XPNPEP2: variants seen among roughly 807,000 people sequenced by gnomAD.
XPNPEP2 encodes the protein xaa-Pro aminopeptidase 2.
In XPNPEP2, 64 loss-of-function variants were observed where a neutral mutation model predicts 59.8. The ratio of observed to expected loss-of-function variants is 1.07; its 90% CI spans 0.87 to 1.32. The LOEUF (loss-of-function observed/expected upper bound fraction) is 1.32. XPNPEP2 is among the 40% of genes most tolerant of loss of function. The probability of loss-of-function intolerance (pLI) is 0.00; values close to 1 mark genes in which losing one functional copy is unlikely to be tolerated. For missense variants in XPNPEP2, 575 were observed against 546.8 expected (o/e 1.05, Z -0.51); for synonymous variants, 235 against 210.0 (o/e 1.12, Z -1.03).
chrX:129,747,968 A>C (rs757298574), intron 7 of XPNPEP2: 1 of 486,115 alleles, frequency 2.1e-6, no homozygotes, highest in South Asian at 2.9e-5. Flanking sequence ...GGCCATATTT[A>C]GAAAATGTTG....
intron 1 of XPNPEP2, among the ~76,000 whole-genome samples, chrX:129,740,499 C>T (rs755251272): frequency 1.8e-5 from 2 of 109,946 alleles, no homozygotes; most frequent in African/African-American, 6.6e-5. Flanking sequence ...TGGTGGCGCA[C>T]GCTTGTAATC....
Position 129,751,813 on chromosome X carries a change from G to C in XPNPEP2, c.808G>C (p.Asp270His), listed in dbSNP as rs147190409. 124 of 1,208,332 alleles carry C rather than the reference G, an allele frequency of 1.0e-4. 1 individual carries two copies. In the African/African-American group the frequency reaches 1.8e-3, roughly 18 times the overall value. ...PFFYSYTLLTDSSIRLFANKS... is the reference protein window; with the variant it reads ...PFFYSYTLLTHSSIRLFANKS... ...CTTCTATTCCTACACGCTGCTCACAGACTCTTCTATTAGGTATGGCTTTTC... is the reference window on the plus strand; with the variant it reads ...CTTCTATTCCTACACGCTGCTCACACACTCTTCTATTAGGTATGGCTTTTC... The change falls in exon 9 of 21, where the codon GAC becomes CAC. Residue 270 changes from aspartate to histidine, a missense_variant. Physicochemically the swap from Asp to His is moderately conservative, Grantham distance 81. Transcript: ENST00000371106.
rs962124812 is a variant in XPNPEP2, at chrX:129,767,610, G to C, written c.1748G>C (p.Gly583Ala). 6 of 1,209,552 alleles carry C rather than the reference G, an allele frequency of 5.0e-6. No individual in the cohort carries two copies. Among genetic ancestry groups the C allele is most frequent in the Non-Finnish European group, 6.7e-6 (6 of 894,934 alleles). ...TCTATTCTGGGCTCCCAGTACCCAG[G>C]GAGCTACCTGACCTTTGAAGTGGTA... The part of the protein sequence containing the change: ...LVVEAKTKYP[G>A]SYLTFEVVSF... The change falls in exon 20 of 21, where the codon GGG becomes GCG. Residue 583 changes from glycine (G) to alanine (A), a missense_variant. Coordinates refer to ENST00000371106, the MANE Select transcript of XPNPEP2 (RefSeq NM_003399.6).
chrX:129,761,865 C>A, intron 17 of XPNPEP2, 141 bp from the exon 18 acceptor site: 1 of 579,908 alleles, frequency 1.7e-6, no homozygotes. Flanking sequence ...TGTGCCAGGC[C>A]CAGGCAGACA....
At chrX:129,749,595 G>A (rs1926356669) in intron 7 of XPNPEP2, among the ~76,000 whole-genome samples, 1 of 113,026 alleles carries the variant, frequency 8.8e-6, no homozygotes, top group South Asian at 3.6e-4. Flanking sequence ...TATGGCCTTC[G>A]GCCAGCAAAC....
chrX:129,744,935 CAGTCCAGTGTTACACTG>C (rs1452671566), intron 3 of XPNPEP2, among the ~76,000 whole-genome samples: 4 of 111,799 alleles, frequency 3.6e-5, no homozygotes, highest in East Asian at 2.8e-4. Flanking sequence ...CTTTGCAGAA[CAGTCCAGTGTTACACTG>C]AGTCCAGTGT....
chrX:129,757,797 A>AAGAC (rs1476329482), intron 14 of XPNPEP2, among the ~76,000 whole-genome samples: 3 of 12,039 alleles, frequency 2.5e-4, no homozygotes, highest in Admixed American at 9.9e-4. Flanking sequence ...CTATAAAAGG[A>AAGAC]AGAAAGAAAG....
intron 4 of XPNPEP2, 84 bp from the exon 5 acceptor site, chrX:129,746,152 G>A: frequency 2.5e-6 from 2 of 807,046 alleles, no homozygotes; most frequent in South Asian, 2.2e-5. Context: ...CATTCTCAGA[G>A]CCAGCACTGC....
chrX:129,762,789 G>C lies in XPNPEP2; in HGVS notation c.1740+19G>C. The C allele has an allele frequency of 1.7e-6, 2 of 1,197,552 alleles. No individual in the cohort carries two copies. Among genetic ancestry groups the C allele is most frequent in the Non-Finnish European group, 2.3e-6 (2 of 882,316 alleles). On this transcript the variant is annotated intron_variant, in intron 19 of 20. Coordinates refer to ENST00000371106, the MANE Select transcript of XPNPEP2 (RefSeq NM_003399.6). ...GACCAAGGTAAACTGCCACCAGGAT[G>C]GGCTGGAGGTGTGGGCAGCATGTCA...
At chrX:129,752,519 G>A (rs781202670) in intron 10 of XPNPEP2, among the ~76,000 whole-genome samples, 174 bp downstream of exon 10, 2 of 112,057 alleles carry the variant, frequency 1.8e-5, no homozygotes, top group Non-Finnish European at 3.8e-5. Flanking sequence ...AGGAAACAGG[G>A]ATGGCCATCC....
chrX:129,763,729 C>T (rs1926698832), intron 19 of XPNPEP2, among the ~76,000 whole-genome samples: 1 of 111,170 alleles, frequency 9.0e-6, no homozygotes, highest in African/African-American at 3.3e-5. Flanking sequence ...ACTACCATAA[C>T]TAAAACAGTA....
chrX:129,757,168 G>A (rs1926541700), intron 14 of XPNPEP2, among the ~76,000 whole-genome samples: 1 of 104,334 alleles, frequency 9.6e-6, no homozygotes, highest in Non-Finnish European at 2.0e-5. Context: ...CCTGACCTCA[G>A]GTGATCCACC....
intron 1 of XPNPEP2, among the ~76,000 whole-genome samples, chrX:129,740,438 C>A (rs113948578): frequency 0.25 from 26,834 of 109,489 alleles, 2,520 homozygotes; most frequent in East Asian, 0.38. Context: ...ACCAGCCTGG[C>A]CAACATGGTG....
At chrX:129,751,578 GAA>G (rs1926407039) in intron 8 of XPNPEP2, among the ~76,000 whole-genome samples, 165 bp from the exon 9 acceptor site, 1 of 73,370 alleles carries the variant, frequency 1.4e-5, no homozygotes, top group Non-Finnish European at 2.5e-5. Flanking sequence ...AAGAAAGAAA[GAA>G]AGAAAGAAAG....
At chrX:129,765,554 A>C (rs762311602) in intron 19 of XPNPEP2, among the ~76,000 whole-genome samples, 1 of 110,453 alleles carries the variant, frequency 9.1e-6, no homozygotes, top group East Asian at 2.8e-4. Context: ...CATCGAAGTC[A>C]CTAATTTTTC....
chrX:129,752,269 C>T lies in XPNPEP2; in HGVS notation c.941C>T (p.Ala314Val), dbSNP rs1242064705. Reference sequence around the variant, plus strand: ...AGCCAAGTTCGTGACAGCATCCAGGCCTACTCATTGGGAGATGTGAGGATC... The same window carrying T: ...AGCCAAGTTCGTGACAGCATCCAGGTCTACTCATTGGGAGATGTGAGGATC... Reference protein sequence around the residue: ...DYSQVRDSIQAYSLGDVRIWI... With the variant: ...DYSQVRDSIQVYSLGDVRIWI... Residue 314 changes from alanine to valine, a missense_variant, in exon 10 of 21, where the codon GCC becomes GTC. Coordinates refer to ENST00000371106, the MANE Select transcript of XPNPEP2 (RefSeq NM_003399.6). 1 of 1,210,598 alleles carries T rather than the reference C, an allele frequency of 8.3e-7. No homozygotes were observed. The highest frequency in any genetic ancestry group is 1.1e-6 in the Non-Finnish European group (1 of 895,374).
intron 8 of XPNPEP2, among the ~76,000 whole-genome samples, chrX:129,750,980 A>G (rs185537216): frequency 1.8e-5 from 2 of 108,493 alleles, no homozygotes; most frequent in East Asian, 5.8e-4. Flanking sequence ...TCTGATCCCT[A>G]TGGCTGGGCT....
chrX:129,758,190 G>A (rs1196467048), intron 14 of XPNPEP2, among the ~76,000 whole-genome samples: 1 of 111,885 alleles, frequency 8.9e-6, no homozygotes, highest in Non-Finnish European at 1.9e-5. Context: ...TCTTAGCACA[G>A]CTCTAGGGGA....
At position 129,762,003 on chromosome X, in the gene XPNPEP2, T is replaced by C. The variant is rs773390322; in HGVS notation, c.1604-3T>C. 2.0e-5 allele frequency: 24 copies of C among 1,211,678 alleles called. No homozygotes were observed. The South Asian group carries it at 4.2e-4, about 21-fold the overall frequency. On this transcript the variant is annotated splice_region_variant and splice_polypyrimidine_tract_variant and intron_variant, in intron 17 of 20. Transcript: ENST00000371106. ...GATACCATGTTTATGTCTTCCTTTC[T>C]AGGGCCAGTGGGATTCCAGTCCAAC...
Sources: gnomAD v4.1 joint callset for allele counts (sites outside exome capture counted in the v4.1 genomes callset) on GRCh38, gnomAD v4.1.1 for gene constraint, MANE v1.5 for transcripts, NCBI Gene and HGNC (gene_info 2026-07-23, HGNC 2026-07-21) for gene names.